RPTOR: variants seen among roughly 807,000 people sequenced by gnomAD.
The protein encoded by RPTOR is regulatory-associated protein of mTOR.
RPTOR carries 21 observed loss-of-function variants against 169.9 expected under a neutral mutation model. The ratio of observed to expected loss-of-function variants is 0.12; its 90% CI spans 0.09 to 0.18. RPTOR has a LOEUF of 0.18. Among genes scored for constraint, RPTOR ranks in the 10% least tolerant of loss-of-function variants. The pLI is 1.00. For missense variants in RPTOR, 1,133 were observed against 1,855.9 expected, an observed-to-expected ratio of 0.61 and a Z score of 7.16; for synonymous variants, 732 against 753.2, an observed-to-expected ratio of 0.97 and a Z score of 0.46.
intron 20 of RPTOR, among the ~76,000 whole-genome samples, chr17:80,899,126 G>A (rs555350035): frequency 5.9e-5 from 9 of 152,276 alleles, no homozygotes; most frequent in South Asian, 2.1e-4. Context: ...GAGAAATAAC[G>A]TTGCAGCTTT....
chr17:80,838,504 C>T (rs1328588013), intron 10 of RPTOR, among the ~76,000 whole-genome samples: 1 of 152,214 alleles, frequency 6.6e-6, no homozygotes, highest in Non-Finnish European at 1.5e-5. Context: ...CCCGGGCCTT[C>T]GCGGCAGCTC....
intron 7 of RPTOR, among the ~76,000 whole-genome samples, chr17:80,795,102 C>G (rs1365505484): frequency 1.3e-5 from 2 of 152,116 alleles, no homozygotes; most frequent in Non-Finnish European, 2.9e-5. Context: ...GTGAGCAGGC[C>G]GGAGAGTGCA....
At chr17:80,822,990 AT>A in intron 8 of RPTOR, 88 bp from the exon 9 acceptor site, 1 of 1,465,770 alleles carries the variant, frequency 6.8e-7, no homozygotes. Flanking sequence ...AACTTTAGTA[AT>A]TTTTGATAGA....
At position 80,899,936 on chromosome 17, in the gene RPTOR, G is replaced by A. The variant is rs56022843; in HGVS notation, c.2401+6071G>A. Reference sequence around the variant, plus strand: ...TCCAAGGATACTCCTGTGAGTCAGAGGGCTTGGGATTCTCCCACGGATTGG... The same window carrying A: ...TCCAAGGATACTCCTGTGAGTCAGAAGGCTTGGGATTCTCCCACGGATTGG... On this transcript the variant is annotated intron_variant, in intron 20 of 33. Coordinates refer to ENST00000306801, the MANE Select transcript of RPTOR (RefSeq NM_020761.3). Among the ~76,000 whole-genome samples the A allele has an allele frequency of 7.7e-3, 1,170 of 152,300 alleles. 20 individuals are homozygous for A. Among genetic ancestry groups the A allele is most frequent in the African/African-American group, 0.026 (1,088 of 41,564 alleles).
intron 13 of RPTOR, among the ~76,000 whole-genome samples, chr17:80,859,916 G>A (rs1017547097): frequency 5.3e-5 from 8 of 152,232 alleles, no homozygotes; most frequent in Non-Finnish European, 1.0e-4. Context: ...GCGAGGGGCC[G>A]GCACCCCACT....
chr17:80,942,195 T>C (rs2069039779), intron 25 of RPTOR, among the ~76,000 whole-genome samples: 1 of 151,760 alleles, frequency 6.6e-6, no homozygotes. Flanking sequence ...AGCGATTCTC[T>C]AGGACCCCAG....
At chr17:80,797,831 A>T (rs2067115399) in intron 7 of RPTOR, among the ~76,000 whole-genome samples, 1 of 152,116 alleles carries the variant, frequency 6.6e-6, no homozygotes, top group African/African-American at 2.4e-5. Context: ...CTACTACCTC[A>T]GGGCCCCTTT....
At chr17:80,865,783 G>C (rs1401706060) in intron 13 of RPTOR, among the ~76,000 whole-genome samples, 4 of 151,980 alleles carry the variant, frequency 2.6e-5, no homozygotes, top group African/African-American at 7.2e-5. Context: ...GTGGGGACTT[G>C]AGCAGCACTC....
intron 14 of RPTOR, among the ~76,000 whole-genome samples, chr17:80,882,813 G>A (rs1192425941): frequency 6.6e-6 from 1 of 152,194 alleles, no homozygotes; most frequent in Non-Finnish European, 1.5e-5. Context: ...TACCCTGGGA[G>A]CCCTGCAATA....
At chr17:80,874,613 T>C (rs1202831722) in intron 13 of RPTOR, among the ~76,000 whole-genome samples, 1 of 152,214 alleles carries the variant, frequency 6.6e-6, no homozygotes, top group East Asian at 1.9e-4. Flanking sequence ...CACTGCTCGG[T>C]GGATGTTCTG....
chr17:80,888,574 G>A (rs758375012), intron 17 of RPTOR, among the ~76,000 whole-genome samples: 2 of 152,224 alleles, frequency 1.3e-5, no homozygotes, highest in Non-Finnish European at 2.9e-5. Flanking sequence ...CAGTGCAGCC[G>A]TGTCAACACT....
rs1032594921 is a variant in RPTOR at position 80,964,739 on chromosome 17, G to A, written c.*409G>A. 5.4e-5 allele frequency: 15 copies of A among 276,268 alleles called. No homozygotes were observed. The highest frequency in any genetic ancestry group is 1.0e-3 in the Middle Eastern group (1 of 982). The allele number at this position is 276,268 out of a possible 1,614,324, so 17.1% of individuals were successfully genotyped here. ...GAGAGGCAGGCGCTGGGGCTCCTACGGGTCCCTGGGGCAGCTGTCCCCATC... is the reference window on the plus strand; with the variant it reads ...GAGAGGCAGGCGCTGGGGCTCCTACAGGTCCCTGGGGCAGCTGTCCCCATC... On this transcript the variant is annotated 3_prime_UTR_variant, in exon 34 of 34. Transcript: ENST00000306801.
intron 6 of RPTOR, among the ~76,000 whole-genome samples, chr17:80,771,872 C>T (rs553707858): frequency 2.0e-5 from 3 of 152,324 alleles, no homozygotes; most frequent in South Asian, 2.1e-4. Flanking sequence ...CCAGCTGGTG[C>T]GTAGCGAGGC....
At chr17:80,821,700 C>T (rs9909819) in intron 7 of RPTOR, among the ~76,000 whole-genome samples, 1,854 of 152,256 alleles carry the variant, frequency 0.012, 42 homozygotes, top group African/African-American at 0.042. Flanking sequence ...GGCCTGGGCG[C>T]GCGCTGGCAA....
At chr17:80,822,750 ATTT>A (rs1036438515) in intron 8 of RPTOR, among the ~76,000 whole-genome samples, 2 of 149,362 alleles carry the variant, frequency 1.3e-5, no homozygotes, top group African/African-American at 5.1e-5. Context: ...GTATATGCAT[ATTT>A]GTGTGTGTGT....
intron 20 of RPTOR, among the ~76,000 whole-genome samples, chr17:80,908,131 C>T (rs1459175532): frequency 1.3e-5 from 2 of 152,206 alleles, no homozygotes; most frequent in Non-Finnish European, 2.9e-5. Context: ...CTCAGCGCTT[C>T]CCTCCATGCC....
At position 80,707,885 on chromosome 17, in the gene RPTOR, G is replaced by C. The variant is rs1345131138; in HGVS notation, c.393G>C (p.Lys131Asn). The change falls in exon 4 of 34, where the codon AAG becomes AAC. Residue 131 changes from lysine to asparagine, a missense_variant. Around this residue, in one of 9 missense-constraint regions of RPTOR, gnomAD observed 74 missense variants for 168.3 expected, o/e 0.44. Transcript: ENST00000306801. The surrounding 1 kb of genome is among the most constrained non-coding windows in gnomAD (Gnocchi z 5.0). ...QSLDPTVDEV[K>N]KLCTSLRRNA... ...TTGACCCAACTGTGGATGAAGTCAAGAAGCTCTGCACGTCCTTACGTCGCA... is the reference window on the plus strand; with the variant it reads ...TTGACCCAACTGTGGATGAAGTCAACAAGCTCTGCACGTCCTTACGTCGCA... 6.2e-7 allele frequency: 1 copy of C among 1,614,086 alleles called. No individual in the cohort carries two copies. Among genetic ancestry groups the C allele is most frequent in the East Asian group, 2.2e-5 (1 of 44,880 alleles).
chr17:80,789,430 G>A (rs1445078882), intron 6 of RPTOR, among the ~76,000 whole-genome samples: 2 of 152,178 alleles, frequency 1.3e-5, no homozygotes, highest in African/African-American at 4.8e-5. Context: ...AGTTTGGCAG[G>A]ACCTGATCTT....
At chr17:80,892,581 T>C in intron 18 of RPTOR, 148 bp from the exon 19 acceptor site, 1 of 824,160 alleles carries the variant, frequency 1.2e-6, no homozygotes, top group Non-Finnish European at 1.9e-6. Context: ...CGTCTGAGTC[T>C]CCCTGAGCTG....
Sources: allele counts gnomAD v4.1 joint callset (sites outside exome capture counted in the v4.1 genomes callset), GRCh38; gene constraint gnomAD v4.1.1; regional missense constraint gnomAD v4.1.1; non-coding constraint Gnocchi (gnomAD v3.1); transcripts MANE v1.5; gene names NCBI Gene and HGNC (gene_info 2026-07-23, HGNC 2026-07-21).